Variants in CSN2 observed in about 807,000 individuals in gnomAD.
CSN2 encodes casein beta, also known as beta-casein.
CSN2 carries 27 observed loss-of-function variants against 27.3 expected under a neutral mutation model. The ratio of observed to expected loss-of-function variants is 0.99; its 90% CI spans 0.73 to 1.36. The LOEUF (loss-of-function observed/expected upper bound fraction) is 1.36, where lower values mean the gene tolerates loss of function less well. CSN2 is among the 40% of genes most tolerant of loss of function. The pLI, the probability that CSN2 is intolerant of heterozygous loss-of-function variation, is 0.00. For synonymous variants in CSN2, 131 were observed against 94.8 expected, an observed-to-expected ratio of 1.38 and a Z score of -2.22; for missense variants, 333 against 264.5, an observed-to-expected ratio of 1.26 and a Z score of -1.80.
chr4:69,963,221 C>T (rs2109748820), intron 1 of CSN2, among the ~76,000 whole-genome samples: 1 of 152,274 alleles, frequency 6.6e-6, no homozygotes, highest in Non-Finnish European at 1.5e-5. Flanking sequence ...TTTGACCTAG[C>T]CATCCCATTA....
intron 7 of CSN2, among the ~76,000 whole-genome samples, chr4:69,955,853 G>A (rs1167477020): frequency 1.3e-5 from 2 of 151,938 alleles, no homozygotes; most frequent in African/African-American, 4.8e-5. Flanking sequence ...TTGCAATGCT[G>A]TTCTCTCCTC....
chr4:69,959,981 G>A, intron 3 of CSN2, 72 bp downstream of exon 3: 1 of 1,344,912 alleles, frequency 7.4e-7, no homozygotes, highest in Non-Finnish European at 1.1e-6. Context: ...TAGCTTAACT[G>A]CCATGATGTA....
chr4:69,956,586 T>C (rs1262826365), intron 6 of CSN2, among the ~76,000 whole-genome samples: 7 of 152,178 alleles, frequency 4.6e-5, no homozygotes, highest in African/African-American at 1.7e-4. Context: ...GAAATAAGCA[T>C]CTCAGTCTTT....
In CSN2 at chr4:69,957,697, A is replaced by C; in HGVS notation, c.252T>G (p.Leu84=). The change falls in exon 6 of 8, where the codon CTT becomes CTG. Residue 84 remains leucine (L), a synonymous_variant. Coordinates refer to ENST00000353151, the MANE Select transcript of CSN2 (RefSeq NM_001891.4). Reference sequence around the variant, plus strand: ...CAGGCAGCACCACAGCAGGCTGAGCAAGAGGCAGAATGTTTTGTGGAAGAA... The same window carrying C: ...CAGGCAGCACCACAGCAGGCTGAGCCAGAGGCAGAATGTTTTGTGGAAGAA... ...YGFLPQNILP[L]AQPAVVLPVP... is the part of the protein sequence containing the mutation. The C allele has an allele frequency of 6.2e-7, 1 of 1,614,008 alleles. No homozygotes were observed. The highest frequency in any genetic ancestry group is 8.5e-7 in the Non-Finnish European group (1 of 1,179,984).
chr4:69,961,667 T>C (rs1723590721), intron 1 of CSN2, among the ~76,000 whole-genome samples: 1 of 152,170 alleles, frequency 6.6e-6, no homozygotes, highest in Admixed American at 6.6e-5. Context: ...CGTTAAAAAT[T>C]GGCACAAGAC....
In CSN2 at chr4:69,956,310, T is replaced by G; in HGVS notation, c.*36+4A>C. 7.2e-7 allele frequency: 1 copy of G among 1,390,728 alleles called. No individual in the cohort carries two copies. The highest frequency in any genetic ancestry group is 9.5e-7 in the Non-Finnish European group (1 of 1,054,376). The allele number at this position is 1,390,728 out of a possible 1,614,324, so 86.1% of individuals were successfully genotyped here. A position where few individuals can be genotyped will look rare whatever the true frequency, so the allele number is the denominator to read the frequency against. ...AATTAAATCTCCAAACTCCCAAAAC[T>G]TACCAAAAATAAGGAGGGAAAATTA... On this transcript the variant is annotated splice_donor_region_variant and intron_variant, in intron 7 of 7. Coordinates refer to ENST00000353151, the MANE Select transcript of CSN2 (RefSeq NM_001891.4).
intron 2 of CSN2, among the ~76,000 whole-genome samples, chr4:69,960,615 T>C (rs1048670462): frequency 3.9e-5 from 6 of 152,056 alleles, no homozygotes; most frequent in African/African-American, 1.4e-4. Flanking sequence ...ATCACTGGAA[T>C]AAGATATATT....
chr4:69,958,600 A>G (rs112002824), intron 5 of CSN2, among the ~76,000 whole-genome samples: 5 of 152,046 alleles, frequency 3.3e-5, no homozygotes, highest in African/African-American at 1.2e-4. Flanking sequence ...TCCACCTTGG[A>G]AATAAGAGGA....
At chr4:69,956,797 A>T (rs1723410088) in intron 6 of CSN2, among the ~76,000 whole-genome samples, 1 of 152,176 alleles carries the variant, frequency 6.6e-6, no homozygotes, top group Admixed American at 6.6e-5. Flanking sequence ...ACCAGAATTC[A>T]TGCAATAGTT....
chr4:69,956,841 A>G (rs186627518), intron 6 of CSN2, among the ~76,000 whole-genome samples: 5 of 152,294 alleles, frequency 3.3e-5, no homozygotes, highest in African/African-American at 1.2e-4. Context: ...CTACACAAAA[A>G]ACTAGAACAA....
At chr4:69,958,104 T>C (rs995050406) in intron 5 of CSN2, among the ~76,000 whole-genome samples, 5 of 152,212 alleles carry the variant, frequency 3.3e-5, no homozygotes, top group African/African-American at 1.2e-4. Flanking sequence ...TAGCTGTAGC[T>C]GTACACTTTG....
At chr4:69,960,211 A>G in intron 2 of CSN2, 132 bp from the exon 3 acceptor site, 1 of 763,488 alleles carries the variant, frequency 1.3e-6, no homozygotes, top group South Asian at 1.9e-5. Flanking sequence ...TTCCTTCTGA[A>G]AAGATGTTTA....
chr4:69,961,116 T>C, intron 1 of CSN2, 109 bp from the exon 2 acceptor site: 2 of 618,164 alleles, frequency 3.2e-6, no homozygotes, highest in African/African-American at 1.8e-5. Context: ...AGATAATATA[T>C]AACAAAAATA....
intron 6 of CSN2, 98 bp from the exon 7 acceptor site, chr4:69,956,453 G>A (rs1723399516): frequency 2.1e-6 from 2 of 969,700 alleles, no homozygotes; most frequent in South Asian, 7.8e-5. Context: ...TCCGTCTTTT[G>A]CCTTCATATA....
rs1723394531 is a variant in CSN2, at chr4:69,956,314, C to T, written c.*36G>A. The T allele has an allele frequency of 2.2e-6, 3 of 1,391,554 alleles. No individual in the cohort carries two copies. Among genetic ancestry groups the T allele is most frequent in the Non-Finnish European group, 2.8e-6 (3 of 1,055,132 alleles). 86.2% of individuals were successfully genotyped at this position (1,391,554 alleles called of 1,614,324 possible). On this transcript the variant is annotated splice_region_variant and 3_prime_UTR_variant, in exon 7 of 8. Coordinates refer to ENST00000353151, the MANE Select transcript of CSN2 (RefSeq NM_001891.4). ...AAATCTCCAAACTCCCAAAACTTAC[C>T]AAAAATAAGGAGGGAAAATTAACTT...
intron 1 of CSN2, among the ~76,000 whole-genome samples, chr4:69,965,406 TAC>T (rs1374754787): frequency 3.0e-4 from 22 of 72,832 alleles, no homozygotes; most frequent in African/African-American, 1.3e-3. Flanking sequence ...ACTAGCCTCA[TAC>T]TATATATATA....
chr4:69,957,764 T>A lies in CSN2; in HGVS notation c.185A>T (p.Gln62Leu), dbSNP rs1398288887. The A allele has an allele frequency of 6.2e-7, 1 of 1,613,840 alleles. No homozygotes were observed. Among genetic ancestry groups the A allele is most frequent in the Non-Finnish European group, 8.5e-7 (1 of 1,179,886 alleles). The change falls in exon 6 of 8, where the codon CAG becomes CTG. Residue 62 changes from glutamine (Q) to leucine (L), a missense_variant. Gln to Leu is a moderately radical substitution (Grantham distance 113). Coordinates refer to ENST00000353151, the MANE Select transcript of CSN2 (RefSeq NM_001891.4). ...QDKIYPSFQPQPLIYPFVEPI... is the reference protein window; with the variant it reads ...QDKIYPSFQPLPLIYPFVEPI... ...TTCAACGAATGGATAGATCAGAGGC[T>A]GTGGCTGGAAAGAGGGGTAGATTTT... is the stretch of plus-strand genomic sequence containing the variant.
chr4:69,959,360 T>A (rs1723499371), intron 3 of CSN2, among the ~76,000 whole-genome samples: 1 of 152,040 alleles, frequency 6.6e-6, no homozygotes, highest in Admixed American at 6.6e-5. Context: ...ATCTGATTTT[T>A]AAAAAAAGAA....
chr4:69,963,429 C>T (rs1198351344), intron 1 of CSN2, among the ~76,000 whole-genome samples: 1 of 152,064 alleles, frequency 6.6e-6, no homozygotes, highest in African/African-American at 2.4e-5. Context: ...AGTTCATGTC[C>T]TTTGTAGGGA....
Sources: allele counts gnomAD v4.1 joint callset (sites outside exome capture counted in the v4.1 genomes callset), GRCh38; gene constraint gnomAD v4.1.1; transcripts MANE v1.5; gene names NCBI Gene and HGNC (gene_info 2026-07-23, HGNC 2026-07-21).